MYRFL: variants seen among roughly 807,000 people sequenced by gnomAD.
The protein encoded by MYRFL is myelin regulatory factor like.
In MYRFL, 88 loss-of-function variants were observed where a neutral mutation model predicts 109.4. That is an observed-to-expected ratio of 0.80 (90% CI 0.68 to 0.96). MYRFL has a LOEUF of 0.96. MYRFL is among the 40% of genes least tolerant of loss of function. The probability of loss-of-function intolerance (pLI) is 0.00; values close to 1 mark genes in which losing one functional copy is unlikely to be tolerated. For synonymous variants in MYRFL, 324 were observed against 320.9 expected (o/e 1.01, Z -0.10); for missense variants, 957 against 954.9 (o/e 1.00, Z -0.03).
Position 69,910,081 on chromosome 12 carries a change from C to A in MYRFL, c.1492+4C>A, listed in dbSNP as rs1954507390. The A allele has an allele frequency of 1.3e-6, 2 of 1,492,288 alleles. No individual in the cohort carries two copies. Among genetic ancestry groups the A allele is most frequent in the Admixed American group, 2.5e-5 (1 of 40,186 alleles). 92.4% of individuals were successfully genotyped at this position (1,492,288 alleles called of 1,614,324 possible). A position where few individuals can be genotyped will look rare whatever the true frequency, so the allele number is the denominator to read the frequency against. On this transcript the variant is annotated splice_donor_region_variant and intron_variant, in intron 12 of 24. Transcript: ENST00000552032. ...ATAAACACTGCCCATCAAACAGGTA[C>A]ACACACAAATTCCCCTTTTAATTTT... is the stretch of plus-strand genomic sequence containing the variant.
chr12:69,926,950 T>G (rs1955111621), intron 14 of MYRFL, among the ~76,000 whole-genome samples: 2 of 138,596 alleles, frequency 1.4e-5, no homozygotes, highest in African/African-American at 5.3e-5. Flanking sequence ...TTTTTTTTTT[T>G]TTTTTTTTTT....
At position 69,855,329 on chromosome 12, in the gene MYRFL, G is replaced by A. The variant is rs906912687; in HGVS notation, c.96G>A (p.Leu32=). Reference sequence around the variant, plus strand: ...AGAACCCAGCCCTGGACACAAGTCTGTTGGAGGAATTTCTGGGCAATGACT... The same window carrying A: ...AGAACCCAGCCCTGGACACAAGTCTATTGGAGGAATTTCTGGGCAATGACT... ...TLENPALDTS[L]LEEFLGNDFD... is the part of the protein sequence containing the mutation. The change falls in exon 2 of 25, where the codon CTG becomes CTA. Residue 32 remains leucine (L), a synonymous_variant. Coordinates refer to ENST00000552032, the MANE Select transcript of MYRFL (RefSeq NM_182530.3). 3 of 702,658 alleles carry A rather than the reference G, an allele frequency of 4.3e-6. No homozygotes were observed. In the African/African-American group the frequency reaches 5.2e-5, roughly 12 times the overall value. 43.5% of individuals were successfully genotyped at this position (702,658 alleles called of 1,614,324 possible).
At chr12:69,906,465 T>C (rs948379553) in intron 11 of MYRFL, among the ~76,000 whole-genome samples, 1 of 152,126 alleles carries the variant, frequency 6.6e-6, no homozygotes, top group Non-Finnish European at 1.5e-5. Flanking sequence ...AACCTCAATG[T>C]CAATGCCCAA....
At chr12:69,841,373 A>G (rs1883233563) in intron 1 of MYRFL, among the ~76,000 whole-genome samples, 1 of 152,234 alleles carries the variant, frequency 6.6e-6, no homozygotes, top group African/African-American at 2.4e-5. Context: ...CTAGCCACAT[A>G]CAGTGATGTG....
At position 69,891,152 on chromosome 12, in the gene MYRFL, G is replaced by T; in HGVS notation, c.889G>T (p.Val297Phe). 1.3e-6 allele frequency: 2 copies of T among 1,516,164 alleles called. No homozygotes were observed. The highest frequency in any genetic ancestry group is 2.5e-5 in the South Asian group (2 of 79,334). 93.9% of individuals were successfully genotyped at this position (1,516,164 alleles called of 1,614,324 possible). The change falls in exon 7 of 25, where the codon GTT becomes TTT. Residue 297 changes from valine to phenylalanine, a missense_variant. Val to Phe is a conservative substitution (Grantham distance 50). Coordinates refer to ENST00000552032, the MANE Select transcript of MYRFL (RefSeq NM_182530.3). ...LKPIEMFYLK[V>F]FGTKVEATNQ... Reference sequence around the variant, plus strand: ...GCCAATAGAAATGTTTTACTTGAAAGTTTTTGGCACTAAGGTATGTCTTTT... The same window carrying T: ...GCCAATAGAAATGTTTTACTTGAAATTTTTTGGCACTAAGGTATGTCTTTT...
intron 19 of MYRFL, among the ~76,000 whole-genome samples, chr12:69,940,309 C>T (rs1198644341): frequency 7.3e-5 from 11 of 150,556 alleles, no homozygotes; most frequent in African/African-American, 1.2e-4. Context: ...AGAGAAAGGT[C>T]GGGTTACCCT....
chr12:69,877,035 T>TCTTTCTTTCTTTC (rs1478142590), intron 2 of MYRFL, among the ~76,000 whole-genome samples: 7 of 73,944 alleles, frequency 9.5e-5, no homozygotes, highest in Non-Finnish European at 1.3e-4. Context: ...TTTTTTTTTT[T>TCTTTCTTTCTTTC]TTTTTTGAGA....
chr12:69,844,579 C>T (rs929030773), intron 1 of MYRFL, among the ~76,000 whole-genome samples: 8 of 152,076 alleles, frequency 5.3e-5, no homozygotes, highest in Non-Finnish European at 7.4e-5. Flanking sequence ...GCTGGGGAGG[C>T]GGCGGGGCAC....
intron 13 of MYRFL, among the ~76,000 whole-genome samples, chr12:69,915,467 G>T (rs1954701419): frequency 6.6e-6 from 1 of 152,138 alleles, no homozygotes; most frequent in South Asian, 2.1e-4. Flanking sequence ...ACTTCTGCAG[G>T]TACCTCACAA....
intron 1 of MYRFL, among the ~76,000 whole-genome samples, chr12:69,834,720 G>A (rs762620322): frequency 6.6e-5 from 10 of 152,122 alleles, no homozygotes; most frequent in Non-Finnish European, 1.0e-4. Context: ...CCTGTCTCCA[G>A]GGAGTTATTA....
At chr12:69,882,784 T>G (rs1256373359) in intron 5 of MYRFL, among the ~76,000 whole-genome samples, 2 of 152,168 alleles carry the variant, frequency 1.3e-5, no homozygotes, top group Non-Finnish European at 2.9e-5. Flanking sequence ...GGCTTCAATC[T>G]TCTCTTATTT....
chr12:69,947,809 A>C (rs1281107510), intron 19 of MYRFL, among the ~76,000 whole-genome samples: 2 of 152,174 alleles, frequency 1.3e-5, no homozygotes, highest in Non-Finnish European at 2.9e-5. Flanking sequence ...ATAGTGCATG[A>C]GTCTGGTTCA....
At chr12:69,856,386 G>A (rs1884285267) in intron 2 of MYRFL, among the ~76,000 whole-genome samples, 1 of 152,050 alleles carries the variant, frequency 6.6e-6, no homozygotes, top group African/African-American at 2.4e-5. Flanking sequence ...GTTTTTGTGT[G>A]ATCAATAGTT....
intron 19 of MYRFL, among the ~76,000 whole-genome samples, chr12:69,945,673 A>G (rs1208577391): frequency 2.6e-5 from 4 of 152,162 alleles, no homozygotes; most frequent in Admixed American, 6.5e-5. Context: ...GCTCTCTGTG[A>G]CAATACAGAA....
At chr12:69,843,965 G>A (rs552844916) in intron 1 of MYRFL, among the ~76,000 whole-genome samples, 4 of 152,294 alleles carry the variant, frequency 2.6e-5, no homozygotes, top group African/African-American at 9.6e-5. Context: ...GATGCTTAAG[G>A]GTGCCCTCTT....
intron 7 of MYRFL, 25 bp from the exon 8 acceptor site, chr12:69,893,731 ATTAATTAG>A (rs1887051790): frequency 8.1e-6 from 10 of 1,240,054 alleles, no homozygotes; most frequent in Non-Finnish European, 1.1e-5. Flanking sequence ...TAATTAATTA[ATTAATTAG>A]TTTACTTTTT....
chr12:69,870,135 G>A (rs573280496), intron 2 of MYRFL, among the ~76,000 whole-genome samples: 1 of 101,096 alleles, frequency 9.9e-6, no homozygotes, highest in South Asian at 3.7e-4. Context: ...TTGGGACAGA[G>A]TCTCACTCTG....
Position 69,854,912 on chromosome 12 carries a change from A to G in MYRFL, c.47-368A>G, listed in dbSNP as rs141135233. On this transcript the variant is annotated intron_variant, in intron 1 of 24. Coordinates refer to ENST00000552032, the MANE Select transcript of MYRFL (RefSeq NM_182530.3). ...AGTATGCAGCCCTATATTTTATTCTATAAAAATATCAACATATTTATTATA... is the reference window on the plus strand; with the variant it reads ...AGTATGCAGCCCTATATTTTATTCTGTAAAAATATCAACATATTTATTATA... Among the ~76,000 whole-genome samples, 595 of 152,328 alleles carry G rather than the reference A, an allele frequency of 3.9e-3. 6 individuals carry two copies. The highest frequency in any genetic ancestry group is 0.013 in the African/African-American group (557 of 41,558).
intron 13 of MYRFL, among the ~76,000 whole-genome samples, chr12:69,917,816 G>A (rs1152974): frequency 0.93 from 141,845 of 151,914 alleles, 66,425 homozygotes; most frequent in Non-Finnish European, 0.97. Flanking sequence ...TGGTTTTATT[G>A]ACTTAAGGAA....
Sources: allele counts gnomAD v4.1 joint callset (sites outside exome capture counted in the v4.1 genomes callset), GRCh38; gene constraint gnomAD v4.1.1; transcripts MANE v1.5; gene names NCBI Gene and HGNC (gene_info 2026-07-23, HGNC 2026-07-21).